SCML4: variants seen among roughly 807,000 people sequenced by gnomAD.
SCML4 encodes the protein sex comb on midleg-like protein 4.
Under a neutral mutation model 41.1 loss-of-function variants are expected in SCML4, and 34 were observed. That is an observed-to-expected ratio of 0.83 (90% CI 0.63 to 1.10). SCML4 has a LOEUF of 1.10. SCML4 is among the 50% of genes least tolerant of loss of function. SCML4 has a pLI of 0.00. For synonymous variants in SCML4, 214 were observed against 220.9 expected (o/e 0.97, Z 0.28); for missense variants, 522 against 534.1 (o/e 0.98, Z 0.22).
At chr6:107,786,036 G>A (rs149359903) in intron 1 of SCML4, among the ~76,000 whole-genome samples, 42 of 152,214 alleles carry the variant, frequency 2.8e-4, no homozygotes, top group African/African-American at 9.6e-4. Flanking sequence ...GCTCCCCTGT[G>A]TGCAGCCCTG....
intron 1 of SCML4, among the ~76,000 whole-genome samples, chr6:107,816,199 T>C (rs755065038): frequency 6.6e-6 from 1 of 152,248 alleles, no homozygotes; most frequent in Non-Finnish European, 1.5e-5. Flanking sequence ...CCCTCCTGTA[T>C]TGACTTCCTG....
chr6:107,775,433 C>T (rs2114579130), intron 1 of SCML4, among the ~76,000 whole-genome samples: 1 of 152,322 alleles, frequency 6.6e-6, no homozygotes, highest in East Asian at 1.9e-4. Flanking sequence ...GTGTGACTTG[C>T]TGTATCTCTG....
intron 1 of SCML4, among the ~76,000 whole-genome samples, chr6:107,819,372 G>C (rs1289820367): frequency 6.6e-6 from 1 of 152,146 alleles, no homozygotes; most frequent in Non-Finnish European, 1.5e-5. Context: ...CAAGGGCTTT[G>C]GTTACCAAAT....
At chr6:107,721,034 C>A in intron 5 of SCML4, 41 bp from the exon 6 acceptor site, 1 of 1,553,344 alleles carries the variant, frequency 6.4e-7, no homozygotes, top group Non-Finnish European at 8.7e-7. Context: ...TATCAGAGAG[C>A]AGTTCAGGAA....
At chr6:107,818,086 C>T (rs184608517) in intron 1 of SCML4, among the ~76,000 whole-genome samples, 41 of 152,344 alleles carry the variant, frequency 2.7e-4, no homozygotes, top group Middle Eastern at 3.4e-3. Context: ...TTCTTCCCCC[C>T]ACTGTTTCTA....
At chr6:107,827,041 C>T (rs987168934), upstream of SCML4, among the ~76,000 whole-genome samples, 25 of 151,152 alleles carry the variant, frequency 1.7e-4, no homozygotes, top group African/African-American at 3.1e-4. Context: ...ACAGCCTGGG[C>T]GACAGAGCGA....
At chr6:107,763,878 G>A (rs1457138460) in intron 2 of SCML4, among the ~76,000 whole-genome samples, 2 of 152,174 alleles carry the variant, frequency 1.3e-5, no homozygotes, top group Non-Finnish European at 2.9e-5. Context: ...AAGCCACCCA[G>A]GCTATGGTAT....
chr6:107,836,861 T>A, the SCML4 span, among the ~76,000 whole-genome samples: 1 of 152,122 alleles, frequency 6.6e-6, no homozygotes, highest in East Asian at 1.9e-4. Context: ...CCTATACATT[T>A]GGGAAGTTGC....
At chr6:107,762,718 AT>A (rs1284295964) in intron 2 of SCML4, among the ~76,000 whole-genome samples, 4 of 152,134 alleles carry the variant, frequency 2.6e-5, no homozygotes, top group South Asian at 4.1e-4. Flanking sequence ...GGAGAGAGAC[AT>A]GGAACAGATT....
the SCML4 span, among the ~76,000 whole-genome samples, chr6:107,845,015 C>T: frequency 1.3e-5 from 2 of 151,460 alleles, no homozygotes; most frequent in Non-Finnish European, 2.9e-5. Flanking sequence ...GCAGGCAGAT[C>T]ATTTGAGGTC....
chr6:107,776,715 T>C (rs1780980991), intron 1 of SCML4, among the ~76,000 whole-genome samples: 1 of 152,114 alleles, frequency 6.6e-6, no homozygotes, highest in Non-Finnish European at 1.5e-5. Context: ...ACTTTATCAC[T>C]CCTGAGGATT....
At chr6:107,844,298 C>T in the SCML4 span, among the ~76,000 whole-genome samples, 1 of 152,138 alleles carries the variant, frequency 6.6e-6, no homozygotes, top group Non-Finnish European at 1.5e-5. Context: ...GGCGCTGGTC[C>T]TCAAGTACAG....
chr6:107,813,423 TAA>T (rs1336884133), intron 1 of SCML4, among the ~76,000 whole-genome samples: 1,271 of 10,244 alleles, frequency 0.12, 169 homozygotes, highest in Middle Eastern at 0.25. Context: ...TATATATATA[TAA>T]AACTGTAAAA....
chr6:107,781,593 C>T (rs1484091814), intron 1 of SCML4, among the ~76,000 whole-genome samples: 9 of 151,308 alleles, frequency 5.9e-5, no homozygotes, highest in Admixed American at 5.9e-4. Context: ...ACTGCCGTAG[C>T]TGTGATTGTG....
chr6:107,743,182 T>C (rs1201769831), intron 5 of SCML4, among the ~76,000 whole-genome samples: 5 of 152,208 alleles, frequency 3.3e-5, no homozygotes, highest in Non-Finnish European at 7.3e-5. Context: ...GGCAACCACA[T>C]GTAAAAACCT....
chr6:107,707,865 C>T lies in SCML4; in HGVS notation c.1119+1G>A, dbSNP rs764156233. ...CAAGGTCAAACCCACCACTCGCATA[C>T]GTGCTTTCTGAAGAGCTCCACGTGA... On this transcript the variant is annotated splice_donor_variant, in intron 7 of 7. Transcript: ENST00000369020. LOFTEE classifies it high-confidence loss of function. The T allele has an allele frequency of 5.8e-5, 90 of 1,551,606 alleles. No individual in the cohort carries two copies. Among genetic ancestry groups the T allele is most frequent in the Non-Finnish European group, 7.3e-5 (84 of 1,147,014 alleles).
At chr6:107,829,963 C>T in the SCML4 span, among the ~76,000 whole-genome samples, 1 of 152,132 alleles carries the variant, frequency 6.6e-6, no homozygotes, top group Admixed American at 6.5e-5. Flanking sequence ...TCAGCCCCTG[C>T]CTTAGCCAGT....
intron 5 of SCML4, among the ~76,000 whole-genome samples, chr6:107,733,834 C>T (rs1457338850): frequency 6.6e-6 from 1 of 152,260 alleles, no homozygotes; most frequent in African/African-American, 2.4e-5. Flanking sequence ...CGGACCTACT[C>T]TTCTGTCAGA....
At chr6:107,808,666 C>G (rs1439871797) in intron 1 of SCML4, among the ~76,000 whole-genome samples, 5 of 152,156 alleles carry the variant, frequency 3.3e-5, no homozygotes, top group African/African-American at 1.2e-4. Context: ...GGGAAAAACA[C>G]AGAGGCTTTG....
Sources: gnomAD v4.1 joint callset for allele counts (sites outside exome capture counted in the v4.1 genomes callset) on GRCh38, gnomAD v4.1.1 for gene constraint, MANE v1.5 for transcripts, NCBI Gene and HGNC (gene_info 2026-07-23, HGNC 2026-07-21) for gene names.